The following SDK1 variants were observed in gnomAD, a reference collection of about 807,000 sequenced individuals.
SDK1 encodes protein sidekick-1.
A neutral mutation model predicts 245.5 loss-of-function variants in SDK1; 157 were observed. The ratio of observed to expected loss-of-function variants is 0.64; its 90% confidence interval spans 0.56 to 0.73. The LOEUF is 0.73. Among genes scored for constraint, SDK1 ranks in the 30% least tolerant of loss-of-function variants. The probability of loss-of-function intolerance (pLI) is 0.00; values close to 1 mark genes in which losing one functional copy is unlikely to be tolerated. For missense variants in SDK1, 3,583 were observed against 3,002.3 expected (o/e 1.19, Z -4.52); for synonymous variants, 1,647 against 1,278.5 (o/e 1.29, Z -6.15).
chr7:4,080,710 C>T (rs1481088115), intron 22 of SDK1, among the ~76,000 whole-genome samples: 3 of 151,900 alleles, frequency 2.0e-5, no homozygotes, highest in Non-Finnish European at 4.4e-5. Flanking sequence ...ACTGTTGTGG[C>T]GTTGAGGGGG....
chr7:3,753,257 T>C (rs1469778273), intron 4 of SDK1, among the ~76,000 whole-genome samples: 1 of 152,224 alleles, frequency 6.6e-6, no homozygotes, highest in East Asian at 1.9e-4. Context: ...TTTATGAACC[T>C]TATTTTTGAA....
chr7:3,713,374 C>T (rs1785104863), intron 4 of SDK1, among the ~76,000 whole-genome samples: 1 of 152,106 alleles, frequency 6.6e-6, no homozygotes, highest in Non-Finnish European at 1.5e-5. Flanking sequence ...AAAGAGCCTA[C>T]AAAGAACTTA....
At chr7:4,255,901 C>G (rs571189585) in intron 44 of SDK1, among the ~76,000 whole-genome samples, 1 of 150,476 alleles carries the variant, frequency 6.6e-6, no homozygotes, top group East Asian at 1.9e-4. Flanking sequence ...ACTCTGAGCA[C>G]CATTTCCAAA....
chr7:3,879,269 A>C (rs1781149029), intron 5 of SDK1, among the ~76,000 whole-genome samples: 1 of 152,228 alleles, frequency 6.6e-6, no homozygotes, highest in South Asian at 2.1e-4. Context: ...TGTGGCCTAA[A>C]ACCAAATGCT....
chr7:3,943,627 G>A (rs1780461742), intron 5 of SDK1, among the ~76,000 whole-genome samples: 1 of 151,472 alleles, frequency 6.6e-6, no homozygotes, highest in African/African-American at 2.4e-5. Flanking sequence ...CACGGTGCGG[G>A]GCTGCCGTGG....
intron 1 of SDK1, among the ~76,000 whole-genome samples, chr7:3,425,652 A>T (rs767204049): frequency 7.2e-5 from 11 of 152,230 alleles, no homozygotes; most frequent in Non-Finnish European, 1.6e-4. Flanking sequence ...AGGAGAAGGA[A>T]AATGATAGAA....
rs567756089 is a variant in SDK1, at chr7:3,396,536, G to A, written c.298+94652G>A. On this transcript the variant is annotated intron_variant, in intron 1 of 44. Coordinates refer to ENST00000404826, the MANE Select transcript of SDK1 (RefSeq NM_152744.4). ...TGTCAGTTTTAGTTTTATGTATTTTGGACCCCTGTTACTGCATACATATTT... is the reference window on the plus strand; with the variant it reads ...TGTCAGTTTTAGTTTTATGTATTTTAGACCCCTGTTACTGCATACATATTT... Among the ~76,000 whole-genome samples, 4 of 151,542 alleles carry A rather than the reference G, an allele frequency of 2.6e-5. No individual in the cohort carries two copies. The South Asian group carries it at 8.4e-4, about 32-fold the overall frequency.
At chr7:4,126,518 C>T (rs1466690484) in intron 25 of SDK1, among the ~76,000 whole-genome samples, 2 of 152,102 alleles carry the variant, frequency 1.3e-5, no homozygotes, top group Admixed American at 6.5e-5. Flanking sequence ...GTCAGGCATT[C>T]GAGACCAGCC....
chr7:3,324,829 G>T (rs772319382), intron 1 of SDK1, among the ~76,000 whole-genome samples: 5 of 152,118 alleles, frequency 3.3e-5, no homozygotes, highest in Non-Finnish European at 7.4e-5. Flanking sequence ...CCAGGAAAAA[G>T]TAAACGGCAA....
chr7:3,504,642 C>G (rs1782331293), intron 1 of SDK1, among the ~76,000 whole-genome samples: 1 of 152,124 alleles, frequency 6.6e-6, no homozygotes, highest in Non-Finnish European at 1.5e-5. Context: ...TACCTCACAG[C>G]ATATGCAGAA....
At position 4,149,358 on chromosome 7, in the gene SDK1, C is replaced by T; in HGVS notation, c.4520C>T (p.Ser1507Phe). ...LQWVPGSDGA[S>F]PIRYFTMQVR... is the part of the protein sequence containing the mutation. ...TGGGTCCCGGGCAGCGACGGGGCCT[C>T]CCCCATCCGGTACTTCACCATGCAG... The change falls in exon 30 of 45, where the codon TCC (serine) becomes TTC (phenylalanine). Residue 1507 changes from serine (S) to phenylalanine (F), a missense_variant. Coordinates refer to ENST00000404826, the MANE Select transcript of SDK1 (RefSeq NM_152744.4). 3.1e-6 allele frequency: 5 copies of T among 1,592,182 alleles called. No individual in the cohort carries two copies. In the South Asian group the frequency reaches 4.6e-5, roughly 15 times the overall value.
At position 3,775,628 on chromosome 7, in the gene SDK1, C is replaced by G. The variant is rs182829256; in HGVS notation, c.714-45822C>G. ...TCTGTCGCCCAGGCCGGACTGCGGA[C>G]TGCAGTGGCGTAATCTCGGCTCACT... On this transcript the variant is annotated intron_variant, in intron 4 of 44. Transcript: ENST00000404826. 4.2e-3 allele frequency among the ~76,000 whole-genome samples: 640 copies of G among 150,694 alleles called. 8 individuals are homozygous for G. The highest frequency in any genetic ancestry group is 0.015 in the African/African-American group (620 of 40,922).
At chr7:4,177,260 A>G (rs1636414) in intron 34 of SDK1, among the ~76,000 whole-genome samples, 97,208 of 151,968 alleles carry the variant, frequency 0.64, 31,542 homozygotes, top group East Asian at 0.73. Flanking sequence ...GCCCAAGCAC[A>G]CCACCATCCA....
intron 4 of SDK1, among the ~76,000 whole-genome samples, chr7:3,797,889 TTTG>T (rs1246887210): frequency 6.6e-6 from 1 of 152,178 alleles, no homozygotes; most frequent in Admixed American, 6.5e-5. Context: ...ATGTCAACTT[TTTG>T]TTGTTGCTTT....
chr7:4,017,098 G>A, intron 16 of SDK1, 73 bp from the exon 17 acceptor site: 1 of 1,433,340 alleles, frequency 7.0e-7, no homozygotes, highest in Non-Finnish European at 9.4e-7. Flanking sequence ...TAACCCTGCG[G>A]AATAACTGCG....
chr7:3,649,223 G>C (rs1782935955), intron 4 of SDK1, among the ~76,000 whole-genome samples: 1 of 152,182 alleles, frequency 6.6e-6, no homozygotes, highest in African/African-American at 2.4e-5. Context: ...CTAAGCTGGA[G>C]GGGGTTGAAT....
At chr7:3,696,890 A>T (rs1784590051) in intron 4 of SDK1, among the ~76,000 whole-genome samples, 1 of 151,862 alleles carries the variant, frequency 6.6e-6, no homozygotes, top group Non-Finnish European at 1.5e-5. Flanking sequence ...GACCTCTGAT[A>T]TTTACCATAG....
intron 17 of SDK1, among the ~76,000 whole-genome samples, chr7:4,031,930 G>A (rs1350536067): frequency 7.4e-6 from 1 of 134,646 alleles, no homozygotes; most frequent in Admixed American, 7.7e-5. Flanking sequence ...AGGAGGCTGA[G>A]TCAGGAGAAT....
intron 4 of SDK1, among the ~76,000 whole-genome samples, chr7:3,684,054 C>T (rs1784197906): frequency 6.6e-6 from 1 of 152,162 alleles, no homozygotes. Flanking sequence ...CGTTCAGGTG[C>T]TCAAGTTCCG....
Sources: gnomAD v4.1 joint callset for allele counts (sites outside exome capture counted in the v4.1 genomes callset) on GRCh38, gnomAD v4.1.1 for gene constraint, MANE v1.5 for transcripts, NCBI Gene and HGNC (gene_info 2026-07-23, HGNC 2026-07-21) for gene names.